Variants in NRG3 observed in about 807,000 individuals in gnomAD.
The protein encoded by NRG3 is neuregulin 3, also known as pro-neuregulin-3, membrane-bound isoform.
Under a neutral mutation model 66.9 loss-of-function variants are expected in NRG3, and 31 were observed. The ratio of observed to expected loss-of-function variants is 0.46; its 90% confidence interval spans 0.35 to 0.63. The LOEUF is 0.63. Ranked by LOEUF, NRG3 falls within the 20% of genes least tolerant of loss-of-function variation. The pLI is 0.00. For missense variants in NRG3, 910 were observed against 878.9 expected (o/e 1.04, Z -0.45); for synonymous variants, 393 against 359.4 (o/e 1.09, Z -1.06).
intron 2 of NRG3, among the ~76,000 whole-genome samples, chr10:82,568,670 G>A (rs1387414328): frequency 6.6e-6 from 1 of 151,732 alleles, no homozygotes; most frequent in African/African-American, 2.4e-5. Context: ...CTAGCTCATT[G>A]TTAAGTGCTC....
At position 82,302,457 on chromosome 10, in the gene NRG3, T is replaced by C. The variant is rs543084361; in HGVS notation, c.824-56282T>C. 1.4e-4 allele frequency among the ~76,000 whole-genome samples: 22 copies of C among 152,256 alleles called. No homozygotes were observed. The South Asian group carries it at 4.3e-3, about 30-fold the overall frequency. Reference sequence around the variant, plus strand: ...TCTGCTGAACAATAATAGTATACTTTGTATAAACTATATATACCATGTATA... The same window carrying C: ...TCTGCTGAACAATAATAGTATACTTCGTATAAACTATATATACCATGTATA... On this transcript the variant is annotated intron_variant, in intron 1 of 8. Coordinates refer to ENST00000372141, the MANE Select transcript of NRG3 (RefSeq NM_001010848.4).
At chr10:82,631,018 CA>C (rs1437525958) in intron 2 of NRG3, among the ~76,000 whole-genome samples, 6 of 152,146 alleles carry the variant, frequency 3.9e-5, no homozygotes, top group Admixed American at 1.3e-4. Flanking sequence ...CAAGTGTCTT[CA>C]GATGAGCAAA....
intron 1 of NRG3, among the ~76,000 whole-genome samples, chr10:82,351,041 G>A (rs1002882636): frequency 2.0e-5 from 3 of 151,984 alleles, no homozygotes; most frequent in South Asian, 2.1e-4. Flanking sequence ...ACAGGCGCCC[G>A]CCACCATGCC....
intron 1 of NRG3, among the ~76,000 whole-genome samples, chr10:82,190,747 G>T (rs1400320063): frequency 6.6e-6 from 1 of 152,194 alleles, no homozygotes; most frequent in Non-Finnish European, 1.5e-5. Flanking sequence ...CAAGAGCGCA[G>T]CCAAGGCAGA....
intron 3 of NRG3, among the ~76,000 whole-genome samples, chr10:82,802,675 C>G (rs1471432413): frequency 6.6e-6 from 1 of 151,792 alleles, no homozygotes; most frequent in Non-Finnish European, 1.5e-5. Flanking sequence ...TTTTTTGAGA[C>G]AAGATCTCGC....
chr10:82,027,990 C>G (rs1244465926), intron 1 of NRG3, among the ~76,000 whole-genome samples: 14 of 152,112 alleles, frequency 9.2e-5, no homozygotes, highest in Non-Finnish European at 1.0e-4. Flanking sequence ...CCACTGCACT[C>G]TTTTTGGCTG....
chr10:82,732,429 T>G (rs1356332609), intron 2 of NRG3, among the ~76,000 whole-genome samples: 1 of 152,196 alleles, frequency 6.6e-6, no homozygotes. Flanking sequence ...TGGCAATTTA[T>G]GTCTCCACTG....
chr10:82,096,817 C>G (rs1355696950), intron 1 of NRG3, among the ~76,000 whole-genome samples: 7 of 151,994 alleles, frequency 4.6e-5, no homozygotes. Flanking sequence ...CATAATAATC[C>G]ATTGCCTATG....
chr10:82,851,040 C>G (rs971882154), intron 3 of NRG3, among the ~76,000 whole-genome samples: 6 of 151,950 alleles, frequency 3.9e-5, no homozygotes, highest in Non-Finnish European at 2.9e-5. Context: ...AAAATAGAAC[C>G]GACTTTATAA....
intron 2 of NRG3, among the ~76,000 whole-genome samples, chr10:82,503,408 C>T (rs1344001823): frequency 6.6e-6 from 1 of 152,072 alleles, no homozygotes; most frequent in Non-Finnish European, 1.5e-5. Flanking sequence ...GGGTGTAAAT[C>T]CACTGATTTC....
At chr10:81,988,292 A>G (rs2060603687) in intron 1 of NRG3, among the ~76,000 whole-genome samples, 1 of 152,164 alleles carries the variant, frequency 6.6e-6, no homozygotes, top group African/African-American at 2.4e-5. Context: ...AGTTCAAATA[A>G]GGCTCTGAAA....
At chr10:82,974,985 A>T (rs1421168908) in intron 7 of NRG3, among the ~76,000 whole-genome samples, 2 of 152,210 alleles carry the variant, frequency 1.3e-5, no homozygotes, top group Non-Finnish European at 2.9e-5. Context: ...ATGAGTAGAG[A>T]CTAGAACACT....
At chr10:82,928,606 C>T (rs1429610844) in intron 4 of NRG3, among the ~76,000 whole-genome samples, 4 of 93,804 alleles carry the variant, frequency 4.3e-5, no homozygotes, top group African/African-American at 8.3e-5. Flanking sequence ...TTTCAGGGAT[C>T]AGCAGGTTTT....
chr10:81,957,271 T>A (rs2144467), intron 1 of NRG3, among the ~76,000 whole-genome samples: 1 of 152,156 alleles, frequency 6.6e-6, no homozygotes, highest in Non-Finnish European at 1.5e-5. Flanking sequence ...GTTGTTAGGC[T>A]ACTGAAATTT....
At chr10:82,883,758 C>G (rs921590096) in intron 4 of NRG3, among the ~76,000 whole-genome samples, 1 of 152,076 alleles carries the variant, frequency 6.6e-6, no homozygotes, top group African/African-American at 2.4e-5. Flanking sequence ...ATTAACTCTT[C>G]AGAAGTTAAA....
intron 1 of NRG3, among the ~76,000 whole-genome samples, chr10:82,167,819 A>C (rs2072215735): frequency 1.3e-5 from 2 of 152,052 alleles, no homozygotes; most frequent in Non-Finnish European, 2.9e-5. Context: ...AGATTATTGA[A>C]TGGTGTGTTT....
chr10:82,120,990 C>T (rs2068053024), intron 1 of NRG3, among the ~76,000 whole-genome samples: 1 of 152,032 alleles, frequency 6.6e-6, no homozygotes, highest in South Asian at 2.1e-4. Context: ...TGTTTTGAAG[C>T]AGTACGATCA....
chr10:81,972,260 A>C (rs1196359323), intron 1 of NRG3, among the ~76,000 whole-genome samples: 1 of 152,222 alleles, frequency 6.6e-6, no homozygotes, highest in African/African-American at 2.4e-5. Context: ...AGTAAATATC[A>C]AGCATCCTAC....
At chr10:82,533,300 G>A (rs1847484706) in intron 2 of NRG3, among the ~76,000 whole-genome samples, 1 of 151,918 alleles carries the variant, frequency 6.6e-6, no homozygotes, top group South Asian at 2.1e-4. Context: ...ATAGTTTGAT[G>A]TAATACCACT....
Sources: gnomAD v4.1 joint callset for allele counts (sites outside exome capture counted in the v4.1 genomes callset) on GRCh38, gnomAD v4.1.1 for gene constraint, MANE v1.5 for transcripts, NCBI Gene and HGNC (gene_info 2026-07-23, HGNC 2026-07-21) for gene names.